The following GPR83 variants were observed in gnomAD, a reference collection of about 807,000 sequenced individuals.
The protein encoded by GPR83 is G protein-coupled receptor 83.
GPR83 carries 23 observed loss-of-function variants against 28.0 expected under a neutral mutation model. That is an observed-to-expected ratio of 0.82 (90% CI 0.59 to 1.16). GPR83 has a LOEUF of 1.16. GPR83 is among the 50% of genes most tolerant of loss of function. GPR83 has a pLI of 0.00. For missense variants in GPR83, 610 were observed against 536.6 expected (o/e 1.14, Z -1.35); for synonymous variants, 234 against 215.4 (o/e 1.09, Z -0.76).
At chr11:94,388,483 T>C (rs1389058446) in intron 3 of GPR83, among the ~76,000 whole-genome samples, 3 of 152,004 alleles carry the variant, frequency 2.0e-5, no homozygotes, top group Admixed American at 6.5e-5. Flanking sequence ...AGTCTCAGGA[T>C]ATAAAATCAA....
chr11:94,401,152 G>A lies in GPR83; in HGVS notation c.96C>T (p.Ala32=). 10 of 1,614,192 alleles carry A rather than the reference G, an allele frequency of 6.2e-6. No homozygotes were observed. The highest frequency in any genetic ancestry group is 8.5e-6 in the Non-Finnish European group (10 of 1,180,030). The change falls in exon 1 of 4, where the codon GCC becomes GCT. Residue 32 remains alanine, a synonymous_variant. Transcript: ENST00000243673. The part of the protein sequence containing the change: ...GRADEQSAEA[A]LAVPNASHFF... ...AGTGCGAGGCATTGGGCACGGCCAG[G>A]GCCGCCTCCGCGCTCTGCTCGTCGG...
intron 2 of GPR83, among the ~76,000 whole-genome samples, chr11:94,394,927 C>T (rs998378664): frequency 6.6e-6 from 1 of 152,106 alleles, no homozygotes; most frequent in Admixed American, 6.6e-5. Context: ...TGCTCAGTTG[C>T]GTTAATCTGG....
intron 2 of GPR83, among the ~76,000 whole-genome samples, chr11:94,394,424 C>T (rs965353119): frequency 6.6e-6 from 1 of 152,190 alleles, no homozygotes; most frequent in Admixed American, 6.5e-5. Context: ...GGAGTTGCTA[C>T]TGTATATCAA....
In GPR83 at chr11:94,379,326, G is replaced by A. The variant is rs1196846380; in HGVS notation, c.*823C>T. 3.4e-5 allele frequency: 5 copies of A among 146,606 alleles called. No homozygotes were observed. The highest frequency in any genetic ancestry group is 1.3e-4 in the African/African-American group (5 of 39,398). The allele number at this position is 146,606 out of a possible 1,614,324, so 9.1% of individuals were successfully genotyped here. Reference sequence around the variant, plus strand: ...GCAGAGCTTGCAGTGAGCCGAGATTGTGCCACTGAACTCCAACCTGGGTGA... The same window carrying A: ...GCAGAGCTTGCAGTGAGCCGAGATTATGCCACTGAACTCCAACCTGGGTGA... On this transcript the variant is annotated 3_prime_UTR_variant, in exon 4 of 4. Coordinates refer to ENST00000243673, the MANE Select transcript of GPR83 (RefSeq NM_016540.4).
chr11:94,380,529 C>T lies in GPR83; in HGVS notation c.892G>A (p.Val298Ile). 1 of 1,614,212 alleles carries T rather than the reference C, an allele frequency of 6.2e-7. No homozygotes were observed. Among genetic ancestry groups the T allele is most frequent in the South Asian group, 1.1e-5 (1 of 91,080 alleles). ...KKTIKMLMLV[V>I]VLFALCWFPL... ...AACCAGCAGAGGGCAAAGAGGACTA[C>T]CACCAGCATCAACATCTTGATGGTC... The change falls in exon 4 of 4, where the codon GTA becomes ATA. Residue 298 changes from valine to isoleucine, a missense_variant. By Grantham distance (29) the Val-to-Ile change is conservative. Coordinates refer to ENST00000243673, the MANE Select transcript of GPR83 (RefSeq NM_016540.4).
chr11:94,387,746 G>A (rs888002972), intron 3 of GPR83, among the ~76,000 whole-genome samples: 1 of 152,116 alleles, frequency 6.6e-6, no homozygotes, highest in African/African-American at 2.4e-5. Context: ...TTCTACCAGA[G>A]GTACAAGGAG....
intron 1 of GPR83, among the ~76,000 whole-genome samples, chr11:94,399,654 T>C (rs982799772): frequency 6.6e-6 from 1 of 152,198 alleles, no homozygotes; most frequent in East Asian, 1.9e-4. Flanking sequence ...CATCCTGTGT[T>C]TTTTGCTTGT....
chr11:94,379,918 C>CCGTA lies in GPR83; in HGVS notation c.*230_*231insTACG. ...TCCTCAGAGATACAGGCTGCTGTGCCTCCCAGTGTTTCTTAGATGGGAATT... is the reference window on the plus strand; with the variant it reads ...TCCTCAGAGATACAGGCTGCTGTGCCCGTATCCCAGTGTTTCTTAGATGGGAATT... On this transcript the variant is annotated 3_prime_UTR_variant, in exon 4 of 4. Transcript: ENST00000243673. The CCGTA allele has an allele frequency of 2.6e-6, 1 of 380,682 alleles. No individual in the cohort carries two copies. Among genetic ancestry groups the CCGTA allele is most frequent in the Non-Finnish European group, 4.7e-6 (1 of 212,954 alleles). 23.6% of individuals were successfully genotyped at this position (380,682 alleles called of 1,614,324 possible). A position where few individuals can be genotyped will look rare whatever the true frequency, so the allele number is the denominator to read the frequency against.
intron 3 of GPR83, 126 bp downstream of exon 3, chr11:94,393,359 C>T: frequency 1.3e-6 from 1 of 784,626 alleles, no homozygotes; most frequent in Non-Finnish European, 2.1e-6. Flanking sequence ...CAGAGAAAGA[C>T]TCAGTAAGAC....
intron 3 of GPR83, among the ~76,000 whole-genome samples, chr11:94,382,972 G>A (rs868303701): frequency 4.6e-5 from 7 of 151,698 alleles, no homozygotes; most frequent in South Asian, 2.1e-4. Context: ...AGACCATCCC[G>A]GCTAACACAG....
chr11:94,396,312 TA>T, intron 2 of GPR83, 86 bp downstream of exon 2: 2 of 1,327,402 alleles, frequency 1.5e-6, no homozygotes, highest in Non-Finnish European at 2.1e-6. Flanking sequence ...AAAACTGGGC[TA>T]AAACACTGTC....
chr11:94,401,354 C>T lies in GPR83; in HGVS notation c.-107G>A. On this transcript the variant is annotated 5_prime_UTR_variant, in exon 1 of 4. Coordinates refer to ENST00000243673, the MANE Select transcript of GPR83 (RefSeq NM_016540.4). ...GGGGCGCACAGCATACAAGGCCGTC[C>T]CGAGGAGCCAGGGAGCCCGGACGCG... 1 of 1,114,292 alleles carries T rather than the reference C, an allele frequency of 9.0e-7. No homozygotes were observed. The highest frequency in any genetic ancestry group is 1.8e-5 in the South Asian group (1 of 55,066). 69.0% of individuals were successfully genotyped at this position (1,114,292 alleles called of 1,614,324 possible).
chr11:94,391,463 G>T (rs1440005865), intron 3 of GPR83, among the ~76,000 whole-genome samples: 1 of 152,156 alleles, frequency 6.6e-6, no homozygotes. Flanking sequence ...AGCCTAAATA[G>T]ACAAATGGGA....
At position 94,380,309 on chromosome 11, in the gene GPR83, T is replaced by C. The variant is rs1422792353; in HGVS notation, c.1112A>G (p.Glu371Gly). The change falls in exon 4 of 4, where the codon GAG becomes GGG. Residue 371 changes from glutamate to glycine, a missense_variant. Physicochemically the swap from Glu to Gly is moderately conservative, Grantham distance 98 (BLOSUM62 -2). Coordinates refer to ENST00000243673, the MANE Select transcript of GPR83 (RefSeq NM_016540.4). ...AGGAACTGGGGAGGGTGGCCTGTCC[T>C]CCTGAGGCTTGGGAGGTCTTTGACA... Reference protein sequence around the residue: ...SMCQRPPKPQEDRPPSPVPSF... With the variant: ...SMCQRPPKPQGDRPPSPVPSF... The C allele has an allele frequency of 1.1e-5, 18 of 1,607,412 alleles. No individual in the cohort carries two copies. The highest frequency in any genetic ancestry group is 1.4e-5 in the Non-Finnish European group (17 of 1,175,842).
At chr11:94,381,941 T>A (rs150689955) in intron 3 of GPR83, among the ~76,000 whole-genome samples, 1 of 152,234 alleles carries the variant, frequency 6.6e-6, no homozygotes, top group African/African-American at 2.4e-5. Flanking sequence ...CTCTCCCTGG[T>A]CTCTGTCCAG....
chr11:94,400,822 G>A (rs1339682961), intron 1 of GPR83, 39 bp downstream of exon 1: 4 of 1,595,754 alleles, frequency 2.5e-6, no homozygotes, highest in South Asian at 2.3e-5. Context: ...AAAGGGAGAC[G>A]AAGACAGAAG....
chr11:94,390,812 C>A (rs997765102), intron 3 of GPR83, among the ~76,000 whole-genome samples: 10 of 151,962 alleles, frequency 6.6e-5, no homozygotes, highest in Non-Finnish European at 1.0e-4. Context: ...CACTGCTCAA[C>A]AAAATAACAG....
chr11:94,397,200 G>A (rs774665699), intron 1 of GPR83, among the ~76,000 whole-genome samples: 2 of 152,132 alleles, frequency 1.3e-5, no homozygotes, highest in Non-Finnish European at 2.9e-5. Context: ...GAGAAGACAA[G>A]CTCCCCAAAC....
At position 94,377,376 on chromosome 11, in the gene GPR83, A is replaced by C. The variant is rs1299858938; in HGVS notation, c.*2773T>G. 3.3e-5 allele frequency: 5 copies of C among 152,244 alleles called. No homozygotes were observed. Among genetic ancestry groups the C allele is most frequent in the Non-Finnish European group, 7.3e-5 (5 of 68,048 alleles). The allele number at this position is 152,244 out of a possible 1,614,324, so 9.4% of individuals were successfully genotyped here. A position where few individuals can be genotyped will look rare whatever the true frequency, so the allele number is the denominator to read the frequency against. On this transcript the variant is annotated 3_prime_UTR_variant, in exon 4 of 4. Transcript: ENST00000243673. Reference sequence around the variant, plus strand: ...AATTTACAATAAAACACTTTACAGCACATTGGAAAAACTCAAGTTTCACAA... The same window carrying C: ...AATTTACAATAAAACACTTTACAGCCCATTGGAAAAACTCAAGTTTCACAA...
Sources: allele counts gnomAD v4.1 joint callset (sites outside exome capture counted in the v4.1 genomes callset), GRCh38; gene constraint gnomAD v4.1.1; transcripts MANE v1.5; gene names NCBI Gene and HGNC (gene_info 2026-07-23, HGNC 2026-07-21).